CPVL: variants seen among roughly 807,000 people sequenced by gnomAD.
CPVL encodes the protein carboxypeptidase vitellogenic like, also known as probable serine carboxypeptidase CPVL.
A neutral mutation model predicts 63.7 loss-of-function variants in CPVL; 51 were observed. The observed-to-expected ratio is 0.80, with a 90% confidence interval of 0.64 to 1.01. The LOEUF is 1.01. CPVL is among the 50% of genes least tolerant of loss of function. The pLI, the probability that CPVL is intolerant of heterozygous loss-of-function variation, is 0.00. For synonymous variants in CPVL, 195 were observed against 206.0 expected, an observed-to-expected ratio of 0.95 and a Z score of 0.46; for missense variants, 530 against 573.1, an observed-to-expected ratio of 0.92 and a Z score of 0.77.
chr7:29,137,567 G>A (rs868031752), intron 1 of CPVL, among the ~76,000 whole-genome samples: 2 of 152,152 alleles, frequency 1.3e-5, no homozygotes, highest in Non-Finnish European at 2.9e-5. Flanking sequence ...TTTTCCTATT[G>A]GCACAACTGC....
intron 11 of CPVL, among the ~76,000 whole-genome samples, chr7:29,040,115 T>G (rs1184300388): frequency 6.6e-6 from 1 of 152,162 alleles, no homozygotes; most frequent in African/African-American, 2.4e-5. Context: ...TCCCTACAGA[T>G]GCTAAATCAA....
chr7:29,036,652 T>C (rs981909428), intron 11 of CPVL, among the ~76,000 whole-genome samples: 27 of 152,224 alleles, frequency 1.8e-4, no homozygotes, highest in Non-Finnish European at 2.2e-4. Flanking sequence ...CATAAATTCA[T>C]GTATTACTCT....
At position 29,050,054 on chromosome 7, in the gene CPVL, T is replaced by C. The variant is rs1021910082; in HGVS notation, c.1137+14007A>G. On this transcript the variant is annotated intron_variant, in intron 11 of 12. Transcript: ENST00000265394. ...AGCCAACAGCCAACATAATACTGAATAGGGAAAAGTTGAAAACATTCCCTC... is the reference window on the plus strand; with the variant it reads ...AGCCAACAGCCAACATAATACTGAACAGGGAAAAGTTGAAAACATTCCCTC... Among the ~76,000 whole-genome samples the C allele has an allele frequency of 5.3e-5, 8 of 152,212 alleles. No homozygotes were observed. The South Asian group carries it at 1.7e-3, about 32-fold the overall frequency.
intron 2 of CPVL, 87 bp from the exon 3 acceptor site, chr7:29,112,909 G>A: frequency 3.3e-6 from 3 of 904,542 alleles, no homozygotes; most frequent in South Asian, 2.7e-5. Context: ...TGGATGAAAT[G>A]GAGTGATTAG....
chr7:29,086,332 T>C (rs1020016868), intron 7 of CPVL, 152 bp downstream of exon 7: 5 of 490,694 alleles, frequency 1.0e-5, no homozygotes, highest in South Asian at 7.0e-5. Context: ...ATTTTGATAA[T>C]TGGGAGAATT....
At chr7:29,016,000 G>A (rs1220942584) in intron 12 of CPVL, among the ~76,000 whole-genome samples, 1 of 152,042 alleles carries the variant, frequency 6.6e-6, no homozygotes, top group African/African-American at 2.4e-5. Flanking sequence ...CGGAATCATC[G>A]GTCGCCATCC....
intron 12 of CPVL, chr7:29,012,008 A>G (rs2128135422): frequency 1.3e-5 from 2 of 152,334 alleles, no homozygotes; most frequent in South Asian, 4.1e-4. Flanking sequence ...GTTAGAGGTT[A>G]GAGAAAATAA....
chr7:29,014,263 C>T (rs543451565), intron 12 of CPVL, among the ~76,000 whole-genome samples: 17 of 152,266 alleles, frequency 1.1e-4, no homozygotes, highest in South Asian at 4.1e-4. Flanking sequence ...TTGTAGAAGG[C>T]GACTGCTGGT....
Position 29,023,611 on chromosome 7 carries a change from GA to G in CPVL, c.1320+6965del, listed in dbSNP as rs554525849. Among the ~76,000 whole-genome samples, 237 of 152,236 alleles carry G rather than the reference GA, an allele frequency of 1.6e-3. 1 individual carries two copies. Among genetic ancestry groups the G allele is most frequent in the African/African-American group, 5.3e-3 (219 of 41,552 alleles). On this transcript the variant is annotated intron_variant, in intron 12 of 12. Transcript: ENST00000265394. ...CCATGTATGCCACCTGGGAACCCAA[GA>G]AACAGCATACTGGTGCCAAAGAACT...
chr7:29,104,159 A>C (rs1162533719), intron 3 of CPVL, among the ~76,000 whole-genome samples: 1 of 152,224 alleles, frequency 6.6e-6, no homozygotes, highest in Non-Finnish European at 1.5e-5. Flanking sequence ...TTTTCAAAGA[A>C]ATTTTATTTC....
chr7:29,044,599 A>G (rs1017819300), intron 11 of CPVL, among the ~76,000 whole-genome samples: 10 of 152,150 alleles, frequency 6.6e-5, no homozygotes, highest in African/African-American at 2.2e-4. Context: ...GACTTTTTAC[A>G]TCTCCTATTA....
chr7:29,169,758 T>C (rs2128722991), intron 5 of CPVL, among the ~76,000 whole-genome samples: 1 of 152,130 alleles, frequency 6.6e-6, no homozygotes, highest in African/African-American at 2.4e-5. Flanking sequence ...GTTTGCTCAG[T>C]CAGAGCTGGT....
chr7:29,092,532 C>A, intron 6 of CPVL, 91 bp downstream of exon 6: 2 of 836,254 alleles, frequency 2.4e-6, no homozygotes, highest in Non-Finnish European at 4.0e-6. Flanking sequence ...AAGGCTCAGT[C>A]AATAAAAATT....
At chr7:29,018,455 C>T (rs1047165312) in intron 12 of CPVL, among the ~76,000 whole-genome samples, 4 of 149,830 alleles carry the variant, frequency 2.7e-5, no homozygotes, top group Admixed American at 6.7e-5. Context: ...CTCAGCTCAC[C>T]GCAACCTCTG....
chr7:29,144,488 G>A (rs1393490312), intron 1 of CPVL, among the ~76,000 whole-genome samples: 2 of 152,148 alleles, frequency 1.3e-5, no homozygotes, highest in African/African-American at 4.8e-5. Flanking sequence ...TTGAACCCGG[G>A]AGATGGAGGT....
chr7:29,083,954 C>T (rs1235142784), intron 7 of CPVL, among the ~76,000 whole-genome samples: 1 of 151,678 alleles, frequency 6.6e-6, no homozygotes, highest in Non-Finnish European at 1.5e-5. Flanking sequence ...TTTCAAGACT[C>T]GTGGATCAGA....
At chr7:29,118,776 A>G (rs1309446025) in intron 2 of CPVL, among the ~76,000 whole-genome samples, 3 of 152,206 alleles carry the variant, frequency 2.0e-5, no homozygotes, top group Non-Finnish European at 4.4e-5. Flanking sequence ...CTTTAAAATG[A>G]CCATTTGTCT....
rs10658501 is a variant in CPVL at position 29,075,519 on chromosome 7, T to TAAAAAAAAAAAAAAAAAAA, written c.610-3097_610-3096insTTTTTTTTTTTTTTTTTTT. ...TCTTTTCTATTGAGAAGATACTTCT[T>TAAAAAAAAAAAAAAAAAAA]AAAAAAAAAAAAAAAAAAGCCATCA... On this transcript the variant is annotated intron_variant, in intron 7 of 12. Transcript: ENST00000265394. Among the ~76,000 whole-genome samples the TAAAAAAAAAAAAAAAAAAA allele has an allele frequency of 5.4e-5, 7 of 128,978 alleles. 3 individuals are homozygous for TAAAAAAAAAAAAAAAAAAA. Among genetic ancestry groups the TAAAAAAAAAAAAAAAAAAA allele is most frequent in the African/African-American group, 5.7e-5 (2 of 35,138 alleles). The allele number at this position is 128,978 out of a possible 152,430, so 84.6% of individuals were successfully genotyped here. A position where few individuals can be genotyped will look rare whatever the true frequency, so the allele number is the denominator to read the frequency against.
chr7:29,082,194 G>A (rs1784792497), intron 7 of CPVL: 1 of 145,164 alleles, frequency 6.9e-6, no homozygotes. Context: ...AAATGGGTAG[G>A]TATTACGTTA....
Sources: gnomAD v4.1 joint callset for allele counts (sites outside exome capture counted in the v4.1 genomes callset) on GRCh38, gnomAD v4.1.1 for gene constraint, MANE v1.5 for transcripts, NCBI Gene and HGNC (gene_info 2026-07-23, HGNC 2026-07-21) for gene names.